Variants in CNBD1 observed in about 807,000 individuals in gnomAD.
CNBD1 encodes the protein cyclic nucleotide-binding domain-containing protein 1.
In CNBD1, 71 loss-of-function variants were observed where a neutral mutation model predicts 54.4. The ratio of observed to expected loss-of-function variants is 1.30; its 90% CI spans 1.08 to 1.59. The LOEUF (loss-of-function observed/expected upper bound fraction) is 1.59, where lower values mean the gene tolerates loss of function less well. Ranked by LOEUF, CNBD1 falls within the 40% of genes most tolerant of loss-of-function variation. CNBD1 has a pLI of 0.00. For synonymous variants in CNBD1, 182 were observed against 170.7 expected (o/e 1.07, Z -0.51); for missense variants, 659 against 518.0 (o/e 1.27, Z -2.64).
intron 8 of CNBD1, among the ~76,000 whole-genome samples, chr8:87,346,925 T>C (rs780712294): frequency 7.2e-5 from 11 of 152,194 alleles, no homozygotes; most frequent in Non-Finnish European, 1.5e-4. Flanking sequence ...TGAGAAATTT[T>C]CAGAGACTTG....
chr8:87,367,153 G>A (rs1307128880), intron 10 of CNBD1, among the ~76,000 whole-genome samples: 3 of 151,984 alleles, frequency 2.0e-5, no homozygotes, highest in Non-Finnish European at 4.4e-5. Context: ...AGTCTACATG[G>A]GAAGACACTC....
At chr8:86,869,434 T>G (rs1808410084) in intron 1 of CNBD1, among the ~76,000 whole-genome samples, 1 of 152,188 alleles carries the variant, frequency 6.6e-6, no homozygotes, top group Non-Finnish European at 1.5e-5. Context: ...TAAATGCTAT[T>G]AATATATGGG....
chr8:87,244,249 TTTC>T lies in CNBD1; in HGVS notation c.771+7138_771+7140del, dbSNP rs986102762. The stretch of plus-strand genomic sequence containing the variant: ...GGTGAGGGACAAATGGCTGCATTTC[TTTC>T]GAGTTTCTGATAAACCTTTCCAAAG... On this transcript the variant is annotated intron_variant, in intron 6 of 10. Transcript: ENST00000518476. 1.4e-3 allele frequency among the ~76,000 whole-genome samples: 209 copies of T among 152,252 alleles called. 1 individual carries two copies. The highest frequency in any genetic ancestry group is 4.9e-3 in the African/African-American group (202 of 41,544).
At chr8:87,247,483 C>T (rs1381787736) in intron 6 of CNBD1, among the ~76,000 whole-genome samples, 1 of 152,208 alleles carries the variant, frequency 6.6e-6, no homozygotes, top group Non-Finnish European at 1.5e-5. Context: ...AATGCAATTA[C>T]TTTATCTGAT....
At chr8:87,126,470 A>G (rs907730680) in intron 4 of CNBD1, among the ~76,000 whole-genome samples, 2 of 151,970 alleles carry the variant, frequency 1.3e-5, no homozygotes, top group African/African-American at 4.8e-5. Context: ...GTCGGTTCAA[A>G]TCTTATGTCC....
At chr8:87,331,214 C>T (rs964013693) in intron 8 of CNBD1, among the ~76,000 whole-genome samples, 12 of 152,136 alleles carry the variant, frequency 7.9e-5, no homozygotes, top group African/African-American at 2.9e-4. Context: ...TTTCCCACCC[C>T]TTGCACCCCG....
At chr8:87,265,991 T>C (rs1338031888) in intron 6 of CNBD1, among the ~76,000 whole-genome samples, 1 of 152,104 alleles carries the variant, frequency 6.6e-6, no homozygotes. Flanking sequence ...TTTAAGTAGC[T>C]ATACAAAAGA....
chr8:87,298,213 C>A (rs1035496036), intron 8 of CNBD1, among the ~76,000 whole-genome samples: 10 of 151,744 alleles, frequency 6.6e-5, no homozygotes, highest in African/African-American at 2.4e-4. Flanking sequence ...AGTTTTACCC[C>A]ACTTGCAAAT....
chr8:87,181,396 T>C (rs555347651), intron 4 of CNBD1, among the ~76,000 whole-genome samples: 1 of 152,342 alleles, frequency 6.6e-6, no homozygotes, highest in African/African-American at 2.4e-5. Context: ...CAATTTCAAA[T>C]TTTATTTCTT....
downstream of CNBD1, among the ~76,000 whole-genome samples, chr8:87,383,968 C>T (rs1001531966): frequency 1.5e-4 from 23 of 151,838 alleles, no homozygotes; most frequent in African/African-American, 5.6e-4. Context: ...TATTGTTTGC[C>T]AGGACTGGTA....
chr8:87,311,380 A>G (rs1809260901), intron 8 of CNBD1, among the ~76,000 whole-genome samples: 1 of 152,126 alleles, frequency 6.6e-6, no homozygotes, highest in Admixed American at 6.6e-5. Context: ...GAGAAATGCA[A>G]ATCAAAACAA....
chr8:86,957,641 T>C (rs1187576506), intron 4 of CNBD1, among the ~76,000 whole-genome samples: 1 of 152,222 alleles, frequency 6.6e-6, no homozygotes, highest in Non-Finnish European at 1.5e-5. Context: ...TATTCTCTGA[T>C]GGTAGTTTGT....
rs1285222767 is a variant in CNBD1, at chr8:86,939,660, G to C, written c.337G>C (p.Val113Leu). The change falls in exon 4 of 11, where the codon GTC (valine) becomes CTC (leucine). Residue 113 changes from valine (V) to leucine (L), a missense_variant. By Grantham distance (32) the Val-to-Leu change is conservative. Transcript: ENST00000518476. ...QQPDDSNNIA[V>L]HVQRAHGGHI... The stretch of plus-strand genomic sequence containing the variant: ...ACCTGATGATTCTAACAATATAGCT[G>C]TCCATGTTCAGAGAGCACATGGTGG... The C allele has an allele frequency of 5.6e-6, 9 of 1,603,732 alleles. No individual in the cohort carries two copies. The highest frequency in any genetic ancestry group is 1.7e-4 in the Middle Eastern group (1 of 6,006).
At chr8:87,321,317 T>G (rs186753374) in intron 8 of CNBD1, among the ~76,000 whole-genome samples, 46 of 152,332 alleles carry the variant, frequency 3.0e-4, no homozygotes, top group Non-Finnish European at 6.3e-4. Flanking sequence ...AGTTTCAATT[T>G]CAACATGTCC....
At chr8:86,882,674 A>G (rs888980705) in intron 1 of CNBD1, among the ~76,000 whole-genome samples, 1 of 152,180 alleles carries the variant, frequency 6.6e-6, no homozygotes, top group Non-Finnish European at 1.5e-5. Flanking sequence ...ATTTGGGTAT[A>G]TACCCAAATG....
chr8:87,329,839 G>A (rs550046980), intron 8 of CNBD1, among the ~76,000 whole-genome samples: 7 of 151,926 alleles, frequency 4.6e-5, no homozygotes, highest in Non-Finnish European at 8.8e-5. Context: ...TATGTCATCA[G>A]CAAAGACAGT....
At chr8:86,988,185 C>T (rs1808654233) in intron 4 of CNBD1, among the ~76,000 whole-genome samples, 2 of 142,768 alleles carry the variant, frequency 1.4e-5, no homozygotes, top group African/African-American at 5.2e-5. Flanking sequence ...TTTTGAAATT[C>T]ACTATTGGTC....
chr8:86,914,781 G>T (rs1483570576), intron 3 of CNBD1, among the ~76,000 whole-genome samples: 2 of 152,200 alleles, frequency 1.3e-5, no homozygotes, highest in East Asian at 1.9e-4. Flanking sequence ...TATCTAAAGT[G>T]CACTCTCAGA....
At chr8:87,309,195 C>A (rs1415761770) in intron 8 of CNBD1, among the ~76,000 whole-genome samples, 1 of 152,064 alleles carries the variant, frequency 6.6e-6, no homozygotes, top group Non-Finnish European at 1.5e-5. Context: ...TATTTATATT[C>A]CTACCAACAA....
Sources: gnomAD v4.1 joint callset for allele counts (sites outside exome capture counted in the v4.1 genomes callset) on GRCh38, gnomAD v4.1.1 for gene constraint, MANE v1.5 for transcripts, NCBI Gene and HGNC (gene_info 2026-07-23, HGNC 2026-07-21) for gene names.